The following PNPLA8 variants were observed in gnomAD, a reference collection of about 807,000 sequenced individuals.
The protein encoded by PNPLA8 is patatin like domain 8, phospholipase A2, also known as calcium-independent phospholipase A2-gamma.
PNPLA8 carries 39 observed loss-of-function variants against 76.9 expected under a neutral mutation model. That is an observed-to-expected ratio of 0.51 (90% confidence interval 0.39 to 0.66). The LOEUF (loss-of-function observed/expected upper bound fraction) is 0.66, where lower values mean the gene tolerates loss of function less well. Among genes scored for constraint, PNPLA8 ranks in the 30% least tolerant of loss-of-function variants. The probability of loss-of-function intolerance (pLI) is 0.00; values close to 1 mark genes in which losing one functional copy is unlikely to be tolerated. For synonymous variants in PNPLA8, 301 were observed against 307.9 expected (o/e 0.98, Z 0.24); for missense variants, 887 against 918.0 (o/e 0.97, Z 0.44).
At chr7:108,501,953 A>C (rs1414486803) in intron 5 of PNPLA8, among the ~76,000 whole-genome samples, 2 of 152,210 alleles carry the variant, frequency 1.3e-5, no homozygotes, top group Non-Finnish European at 2.9e-5. Flanking sequence ...TATAAATACT[A>C]AAATCAAATC....
At position 108,514,598 on chromosome 7, in the gene PNPLA8, T is replaced by C. The variant is rs767157779; in HGVS notation, c.894A>G (p.Val298=). Residue 298 remains valine (V), a synonymous_variant, in exon 3 of 11, where the codon GTA becomes GTG. Coordinates refer to ENST00000257694, the MANE Select transcript of PNPLA8 (RefSeq NM_001256007.3). ...ANFLSRPTEG[V]QALVGGYIGG... Reference sequence around the variant, plus strand: ...CAATATAACCACCTACTAAAGCTTGTACACCTTCCGTGGGACGAGAAAGAA... The same window carrying C: ...CAATATAACCACCTACTAAAGCTTGCACACCTTCCGTGGGACGAGAAAGAA... The C allele has an allele frequency of 3.1e-6, 5 of 1,613,956 alleles. No homozygotes were observed. Among genetic ancestry groups the C allele is most frequent in the South Asian group, 2.2e-5 (2 of 91,082 alleles).
At chr7:108,522,313 G>GAAA (rs575678172) in intron 1 of PNPLA8, among the ~76,000 whole-genome samples, 1 of 138,328 alleles carries the variant, frequency 7.2e-6, no homozygotes, top group Non-Finnish European at 1.6e-5. Flanking sequence ...AACAAAAAAA[G>GAAA]AAAAAAAAAA....
intron 4 of PNPLA8, among the ~76,000 whole-genome samples, chr7:108,511,608 A>G (rs143020966): frequency 5.9e-5 from 9 of 152,186 alleles, no homozygotes; most frequent in African/African-American, 2.2e-4. Context: ...TCTTCAATTA[A>G]ATCAGTTTTA....
intron 10 of PNPLA8, among the ~76,000 whole-genome samples, chr7:108,476,549 T>A (rs1473408181): frequency 6.6e-6 from 1 of 152,184 alleles, no homozygotes; most frequent in Non-Finnish European, 1.5e-5. Flanking sequence ...GAATGTAAAT[T>A]GGTACAGCTA....
At chr7:108,472,963 A>G (rs974696901) in intron 10 of PNPLA8, among the ~76,000 whole-genome samples, 1 of 152,098 alleles carries the variant, frequency 6.6e-6, no homozygotes, top group Non-Finnish European at 1.5e-5. Flanking sequence ...GCCCTTTCCA[A>G]CTTTCCTTTT....
chr7:108,471,247 G>C lies in PNPLA8; in HGVS notation c.*1154C>G, dbSNP rs1442217144. ...TTTTTTTTTTTTGAGATGGAGTCTC[G>C]CTGTGTCGCCTAGGCTGGAGTGCAC... On this transcript the variant is annotated 3_prime_UTR_variant, in exon 11 of 11. Coordinates refer to ENST00000257694, the MANE Select transcript of PNPLA8 (RefSeq NM_001256007.3). 7.4e-6 allele frequency: 1 copy of C among 135,552 alleles called. No individual in the cohort carries two copies. Among genetic ancestry groups the C allele is most frequent in the Non-Finnish European group, 1.5e-5 (1 of 65,708 alleles). The allele number at this position is 135,552 out of a possible 1,614,324, so 8.4% of individuals were successfully genotyped here. A position where few individuals can be genotyped will look rare whatever the true frequency, so the allele number is the denominator to read the frequency against.
At chr7:108,483,669 T>A (rs1264569962) in intron 9 of PNPLA8, among the ~76,000 whole-genome samples, 2 of 152,234 alleles carry the variant, frequency 1.3e-5, no homozygotes, top group Non-Finnish European at 2.9e-5. Context: ...GAACTATTTT[T>A]AAATTTAGCT....
In PNPLA8 at chr7:108,515,071, C is replaced by G. The variant is rs1381219846; in HGVS notation, c.421G>C (p.Asp141His). The G allele has an allele frequency of 3.1e-6, 5 of 1,604,572 alleles. No homozygotes were observed. Among genetic ancestry groups the G allele is most frequent in the East Asian group, 4.5e-5 (2 of 44,826 alleles). ...TTTTTCTGTTTTAACCAGCCACTAT[C>G]CGATACTTTTCTTAAAATTTGGGAA... Reference protein sequence around the residue: ...PSSQILRKVSDSGWLKQKNIK... With the variant: ...PSSQILRKVSHSGWLKQKNIK... The change falls in exon 3 of 11, where the codon GAT becomes CAT. Residue 141 changes from aspartate (D) to histidine (H), a missense_variant. Transcript: ENST00000257694.
At chr7:108,480,869 C>G (rs1860344042) in intron 9 of PNPLA8, 1 of 241,732 alleles carries the variant, frequency 4.1e-6, no homozygotes, top group South Asian at 4.3e-5. Flanking sequence ...CAAAAACTCT[C>G]TCATGCTATG....
Position 108,517,449 on chromosome 7 carries a change from C to T in PNPLA8, c.-83-1875G>A, listed in dbSNP as rs528414789. The stretch of plus-strand genomic sequence containing the variant: ...GACTAAGTCCATAATAAAATCTGCA[C>T]GAGGATGTTTACAGAAGCCTTATTC... On this transcript the variant is annotated intron_variant, in intron 2 of 10. Coordinates refer to ENST00000257694, the MANE Select transcript of PNPLA8 (RefSeq NM_001256007.3). Among the ~76,000 whole-genome samples, 7 of 152,250 alleles carry T rather than the reference C, an allele frequency of 4.6e-5. No homozygotes were observed. The East Asian group carries it at 7.7e-4, about 17-fold the overall frequency.
In PNPLA8 at chr7:108,479,383, C is replaced by G. The variant is rs765251445; in HGVS notation, c.1879-4G>C. On this transcript the variant is annotated splice_region_variant and splice_polypyrimidine_tract_variant and intron_variant, in intron 9 of 10. Coordinates refer to ENST00000257694, the MANE Select transcript of PNPLA8 (RefSeq NM_001256007.3). ...TATTCAGAAGCAAACCTCCATCCTG[C>G]AAAATACAAGTTAAAAAAAGAAACT... The G allele has an allele frequency of 1.3e-5, 20 of 1,592,930 alleles. No individual in the cohort carries two copies. In the African/African-American group the frequency reaches 2.4e-4, roughly 19 times the overall value.
At chr7:108,498,993 C>T (rs1240388223) in intron 5 of PNPLA8, among the ~76,000 whole-genome samples, 1 of 151,944 alleles carries the variant, frequency 6.6e-6, no homozygotes, top group African/African-American at 2.4e-5. Flanking sequence ...AGTAGAAAAC[C>T]AAAGATGCTG....
At position 108,514,793 on chromosome 7, in the gene PNPLA8, T is replaced by G. The variant is rs752488325; in HGVS notation, c.699A>C (p.Lys233Asn). ...QQKENEHFRD[K>N]SELEDKKVEE... ...CTACCTTTTTATCTTCAAGTTCTGA[T>G]TTGTCCCGGAAATGTTCATTTTCCT... Residue 233 changes from lysine (K) to asparagine (N), a missense_variant, in exon 3 of 11, where the codon AAA becomes AAC. Coordinates refer to ENST00000257694, the MANE Select transcript of PNPLA8 (RefSeq NM_001256007.3). The G allele has an allele frequency of 1.9e-6, 3 of 1,613,474 alleles. No homozygotes were observed. The highest frequency in any genetic ancestry group is 2.5e-6 in the Non-Finnish European group (3 of 1,179,460).
intron 7 of PNPLA8, among the ~76,000 whole-genome samples, chr7:108,494,474 T>C (rs1861415786): frequency 6.6e-6 from 1 of 152,242 alleles, no homozygotes; most frequent in African/African-American, 2.4e-5. Context: ...TTTGGTTTTA[T>C]GTTCTTGTGT....
intron 6 of PNPLA8, 63 bp downstream of exon 6, chr7:108,497,420 T>A: frequency 9.1e-7 from 1 of 1,093,242 alleles, no homozygotes. Context: ...TAAACATAAG[T>A]GCTTAATGTT....
At position 108,515,014 on chromosome 7, in the gene PNPLA8, A is replaced by AT; in HGVS notation, c.477dup (p.Tyr160IlefsTer2). Reference sequence around the variant, plus strand: ...CTCTTTTCTGCTGATTTGTCACTATATTTTTTCAGAGATTTGATGGCTTGT... The same window carrying AT: ...CTCTTTTCTGCTGATTTGTCACTATATTTTTTTCAGAGATTTGATGGCTTGT... On this transcript the variant is annotated frameshift_variant, in exon 3 of 11. Transcript: ENST00000257694. LOFTEE classifies it high-confidence loss of function. The AT allele has an allele frequency of 6.2e-7, 1 of 1,607,396 alleles. No individual in the cohort carries two copies. Among genetic ancestry groups the AT allele is most frequent in the Non-Finnish European group, 8.5e-7 (1 of 1,179,770 alleles).
upstream of PNPLA8, among the ~76,000 whole-genome samples, chr7:108,527,559 G>A (rs757136524): frequency 2.6e-5 from 4 of 152,196 alleles, no homozygotes; most frequent in Non-Finnish European, 5.9e-5. Flanking sequence ...TAGGTGCCAT[G>A]ACTATCACCA....
intron 10 of PNPLA8, among the ~76,000 whole-genome samples, chr7:108,477,168 G>A (rs1041453947): frequency 2.6e-5 from 4 of 152,166 alleles, no homozygotes; most frequent in South Asian, 4.1e-4. Flanking sequence ...TAGTAACTAC[G>A]TCAGGTGACA....
At chr7:108,524,170 T>A (rs1274676668) in intron 1 of PNPLA8, among the ~76,000 whole-genome samples, 4 of 152,222 alleles carry the variant, frequency 2.6e-5, no homozygotes, top group African/African-American at 9.6e-5. Context: ...GATGATAGTT[T>A]ACAGTAATAA....
Sources: allele counts gnomAD v4.1 joint callset (sites outside exome capture counted in the v4.1 genomes callset), GRCh38; gene constraint gnomAD v4.1.1; transcripts MANE v1.5; gene names NCBI Gene and HGNC (gene_info 2026-07-23, HGNC 2026-07-21).